TYRO3: variants seen among roughly 807,000 people sequenced by gnomAD.
The protein encoded by TYRO3 is TYRO3 protein tyrosine kinase, also known as tyrosine-protein kinase receptor TYRO3.
In TYRO3, 38 loss-of-function variants were observed where a neutral mutation model predicts 95.2. That is an observed-to-expected ratio of 0.40 (90% CI 0.31 to 0.52). The LOEUF (loss-of-function observed/expected upper bound fraction) is 0.52, where lower values mean the gene tolerates loss of function less well. Among genes scored for constraint, TYRO3 ranks in the 20% least tolerant of loss-of-function variants. TYRO3 has a pLI of 0.56. For missense variants in TYRO3, 812 were observed against 1,116.4 expected, an observed-to-expected ratio of 0.73 and a Z score of 3.89; for synonymous variants, 367 against 432.9, an observed-to-expected ratio of 0.85 and a Z score of 1.89.
chr15:41,561,299 C>A lies in TYRO3; in HGVS notation c.297C>A (p.Ile99=). The change falls in exon 2 of 19, where the codon ATC becomes ATA. Residue 99 remains isoleucine (I), a synonymous_variant. Transcript: ENST00000263798. ...TCCCAGTCAGCGAGCAGCACTGGATCGGCTTCCTCAGGTGCAGGCCTGTGG... is the reference window on the plus strand; with the variant it reads ...TCCCAGTCAGCGAGCAGCACTGGATAGGCTTCCTCAGGTGCAGGCCTGTGG... The part of the protein sequence containing the change: ...LYIPVSEQHW[I]GFLSLKSVER... 2 of 1,611,868 alleles carry A rather than the reference C, an allele frequency of 1.2e-6. No homozygotes were observed. Among genetic ancestry groups the A allele is most frequent in the Non-Finnish European group, 1.7e-6 (2 of 1,178,520 alleles).
chr15:41,582,805 C>T lies in TYRO3; in HGVS notation c.*4529C>T. ...ATTTTTCCCAGATACTTTTTATTGT[C>T]CCAATACCACCATTTATTGAACAAT... On this transcript the variant is annotated 3_prime_UTR_variant, in exon 19 of 19. Transcript: ENST00000263798. The T allele has an allele frequency of 6.6e-6, 1 of 151,792 alleles. No individual in the cohort carries two copies. The highest frequency in any genetic ancestry group is 1.9e-4 in the East Asian group (1 of 5,176). The allele number at this position is 151,792 out of a possible 1,614,324, so 9.4% of individuals were successfully genotyped here. A position where few individuals can be genotyped will look rare whatever the true frequency, so the allele number is the denominator to read the frequency against.
Position 41,578,050 on chromosome 15 carries a change from G to C in TYRO3, c.2447G>C (p.Gly816Ala). The part of the protein sequence containing the change: ...NIERAEEPTA[G>A]GSLELPGRDQ... ...GAGAGAGCTGAGGAGCCCACTGCGG[G>C]AGGCAGCCTGGAGCTACCTGGCAGG... is the stretch of plus-strand genomic sequence containing the variant. Residue 816 changes from glycine to alanine, a missense_variant, in exon 19 of 19, where the codon GGA becomes GCA. By Grantham distance (60) the Gly-to-Ala change is moderately conservative. Coordinates refer to ENST00000263798, the MANE Select transcript of TYRO3 (RefSeq NM_006293.4). 1 of 1,614,074 alleles carries C rather than the reference G, an allele frequency of 6.2e-7. No homozygotes were observed. Among genetic ancestry groups the C allele is most frequent in the Non-Finnish European group, 8.5e-7 (1 of 1,180,032 alleles).
intron 11 of TYRO3, 111 bp from the exon 12 acceptor site, chr15:41,570,493 G>C: frequency 7.3e-7 from 1 of 1,371,428 alleles, no homozygotes; most frequent in Admixed American, 1.8e-5. Flanking sequence ...CCCCAGCCGT[G>C]GGAGACCTAA....
chr15:41,571,581 TC>T lies in TYRO3; in HGVS notation c.1661-10del. The stretch of plus-strand genomic sequence containing the variant: ...TCTTGTTTTATTTCCTCCTTCCCCA[TC>T]CCCTTCTCCTAGCTGACATCATTGC... On this transcript the variant is annotated splice_polypyrimidine_tract_variant and intron_variant, in intron 13 of 18. Transcript: ENST00000263798. 1 of 1,264,122 alleles carries T rather than the reference TC, an allele frequency of 7.9e-7. No homozygotes were observed. The highest frequency in any genetic ancestry group is 1.2e-5 in the South Asian group (1 of 85,246). The allele number at this position is 1,264,122 out of a possible 1,614,324, so 78.3% of individuals were successfully genotyped here.
At position 41,568,252 on chromosome 15, in the gene TYRO3, C is replaced by CGGAT. The variant is rs2055749298; in HGVS notation, c.998_999insGATG (p.Thr334MetfsTer39). 1 of 1,612,906 alleles carries CGGAT rather than the reference C, an allele frequency of 6.2e-7. No homozygotes were observed. The highest frequency in any genetic ancestry group is 1.7e-5 in the Admixed American group (1 of 59,996). ...CGCTCCCCAAAACCTCCATGCCATC[C>CGGAT]GCACAGATTCAGGCCTCATCTTGGA... On this transcript the variant is annotated frameshift_variant, in exon 8 of 19. Coordinates refer to ENST00000263798, the MANE Select transcript of TYRO3 (RefSeq NM_006293.4). LOFTEE classifies it high-confidence loss of function.
chr15:41,571,173 G>C, intron 13 of TYRO3, 55 bp downstream of exon 13: 1 of 1,535,960 alleles, frequency 6.5e-7, no homozygotes, highest in Non-Finnish European at 9.0e-7. Flanking sequence ...TAAGAGGGGC[G>C]ACTGACCCTG....
At position 41,582,254 on chromosome 15, in the gene TYRO3, C is replaced by T. The variant is rs1272434369; in HGVS notation, c.*3978C>T. On this transcript the variant is annotated 3_prime_UTR_variant, in exon 19 of 19. Coordinates refer to ENST00000263798, the MANE Select transcript of TYRO3 (RefSeq NM_006293.4). ...GAATGGCCGGGCATGGTGGCTCACA[C>T]CCGTAATCCCAGCGCTTTGGGAGGC... 6.6e-6 allele frequency: 1 copy of T among 152,240 alleles called. No individual in the cohort carries two copies. Among genetic ancestry groups the T allele is most frequent in the Non-Finnish European group, 1.5e-5 (1 of 68,074 alleles). The allele number at this position is 152,240 out of a possible 1,614,324, so 9.4% of individuals were successfully genotyped here.
At chr15:41,564,978 C>A in intron 5 of TYRO3, 48 bp from the exon 6 acceptor site, 2 of 1,306,832 alleles carry the variant, frequency 1.5e-6, no homozygotes, top group Non-Finnish European at 2.2e-6. Context: ...CTCCTGCTGC[C>A]TCTGCTCATA....
Position 41,569,016 on chromosome 15 carries a change from C to G in TYRO3, c.1246C>G (p.Arg416Gly). 1 of 1,613,928 alleles carries G rather than the reference C, an allele frequency of 6.2e-7. No homozygotes were observed. The highest frequency in any genetic ancestry group is 1.7e-4 in the Middle Eastern group (1 of 6,054). ...GCCACTGGTGGTCTCTTCTCATGAC[C>G]GTGCAGGTGAGGCTTGTAGGTGGAG... ...SQPLVVSSHD[R>G]AGQQGPPHSR... The change falls in exon 9 of 19, where the codon CGT becomes GGT. Residue 416 changes from arginine to glycine, a missense_variant. Arg to Gly is a moderately radical substitution (Grantham distance 125). Transcript: ENST00000263798.
Position 41,571,662 on chromosome 15 carries a change from C to T in TYRO3, c.1728C>T (p.Asp576=), listed in dbSNP as rs2055797504. 1 of 1,613,402 alleles carries T rather than the reference C, an allele frequency of 6.2e-7. No homozygotes were observed. Among genetic ancestry groups the T allele is most frequent in the Non-Finnish European group, 8.5e-7 (1 of 1,179,366 alleles). The change falls in exon 14 of 19, where the codon GAC becomes GAT. Residue 576 remains aspartate (D), a synonymous_variant. Transcript: ENST00000263798. ...AAGCAGCTTGCATGAAGGAGTTTGACCATCCACACGTGGCCAAACTTGTTG... is the reference window on the plus strand; with the variant it reads ...AAGCAGCTTGCATGAAGGAGTTTGATCATCCACACGTGGCCAAACTTGTTG... ...LREAACMKEF[D]HPHVAKLVGV...
intron 6 of TYRO3, among the ~76,000 whole-genome samples, chr15:41,566,729 C>G (rs902207855): frequency 6.6e-6 from 1 of 152,200 alleles, no homozygotes; most frequent in Admixed American, 6.5e-5. Flanking sequence ...CATTCTGACT[C>G]GGGACTCCAG....
At chr15:41,572,415 C>T (rs1249954983) in intron 14 of TYRO3, 28 bp from the exon 15 acceptor site, 2 of 1,415,230 alleles carry the variant, frequency 1.4e-6, no homozygotes, top group African/African-American at 1.4e-5. Flanking sequence ...CCCTTCTATG[C>T]TCAGCTCCTG....
intron 5 of TYRO3, chr15:41,564,646 G>A (rs969269008): frequency 2.4e-5 from 9 of 372,940 alleles, no homozygotes; most frequent in Non-Finnish European, 3.6e-5. Context: ...GAGGGCTGGT[G>A]TACAGAGAGA....
chr15:41,569,531 G>A (rs1430031056), intron 9 of TYRO3, among the ~76,000 whole-genome samples: 1 of 152,110 alleles, frequency 6.6e-6, no homozygotes, highest in African/African-American at 2.4e-5. Flanking sequence ...ACAACTTTGG[G>A]AGGCTGAGGT....
intron 1 of TYRO3, among the ~76,000 whole-genome samples, chr15:41,559,658 G>T (rs989751493): frequency 2.0e-5 from 3 of 152,194 alleles, no homozygotes; most frequent in African/African-American, 4.8e-5. Flanking sequence ...GAGTGTTTGG[G>T]ACTGCATTTT....
Position 41,580,437 on chromosome 15 carries a change from A to G in TYRO3, c.*2161A>G, listed in dbSNP as rs957969248. On this transcript the variant is annotated 3_prime_UTR_variant, in exon 19 of 19. Transcript: ENST00000263798. ...GGCAGGAGAATTGCTTGAACTCAGG[A>G]GGCGGAGGTTGCAGTGAGTCGAGAT... 16 of 152,104 alleles carry G rather than the reference A, an allele frequency of 1.1e-4. No homozygotes were observed. Among genetic ancestry groups the G allele is most frequent in the African/African-American group, 3.9e-4 (16 of 41,418 alleles). 9.4% of individuals were successfully genotyped at this position (152,104 alleles called of 1,614,324 possible). A position where few individuals can be genotyped will look rare whatever the true frequency, so the allele number is the denominator to read the frequency against.
intron 1 of TYRO3, among the ~76,000 whole-genome samples, chr15:41,559,815 CAG>C (rs2052140607): frequency 1.3e-5 from 2 of 152,354 alleles, no homozygotes; most frequent in South Asian, 4.1e-4. Flanking sequence ...TTTAGGTACA[CAG>C]GGGCTGTGAG....
At chr15:41,573,537 C>G (rs1213356954) in intron 17 of TYRO3, 70 bp downstream of exon 17, 1 of 1,571,714 alleles carries the variant, frequency 6.4e-7, no homozygotes, top group Non-Finnish European at 8.7e-7. Context: ...CCTTAAGGGC[C>G]TAGCCAAGTC....
At position 41,573,218 on chromosome 15, in the gene TYRO3, G is replaced by C. The variant is rs150085073; in HGVS notation, c.1986-90G>C. ...ACAGTATCTGCTATGCATGGGGGTAGCTTGGGAGCAAAGATGCAAAGATGT... is the reference window on the plus strand; with the variant it reads ...ACAGTATCTGCTATGCATGGGGGTACCTTGGGAGCAAAGATGCAAAGATGT... On this transcript the variant is annotated intron_variant, in intron 16 of 18. Transcript: ENST00000263798. 962 of 1,506,028 alleles carry C rather than the reference G, an allele frequency of 6.4e-4. 9 individuals carry two copies. In the South Asian group the frequency reaches 8.6e-3, roughly 13 times the overall value. The allele number at this position is 1,506,028 out of a possible 1,614,324, so 93.3% of individuals were successfully genotyped here. A position where few individuals can be genotyped will look rare whatever the true frequency, so the allele number is the denominator to read the frequency against.
Sources: gnomAD v4.1 joint callset for allele counts (sites outside exome capture counted in the v4.1 genomes callset) on GRCh38, gnomAD v4.1.1 for gene constraint, MANE v1.5 for transcripts, NCBI Gene and HGNC (gene_info 2026-07-23, HGNC 2026-07-21) for gene names.